The following ZSCAN2 variants were observed in gnomAD, a reference collection of about 807,000 sequenced individuals.
ZSCAN2 encodes zinc finger and SCAN domain-containing protein 2.
ZSCAN2 carries 26 observed loss-of-function variants against 47.8 expected under a neutral mutation model. The ratio of observed to expected loss-of-function variants is 0.54; its 90% confidence interval spans 0.40 to 0.75. ZSCAN2 has a LOEUF of 0.75. Ranked by LOEUF, ZSCAN2 falls within the 30% of genes least tolerant of loss-of-function variation. The pLI, the probability that ZSCAN2 is intolerant of heterozygous loss-of-function variation, is 0.00. For synonymous variants in ZSCAN2, 305 were observed against 288.7 expected (o/e 1.06, Z -0.57); for missense variants, 732 against 785.4 (o/e 0.93, Z 0.81).
intron 2 of ZSCAN2, among the ~76,000 whole-genome samples, chr15:84,618,629 T>C (rs1225758263): frequency 6.6e-6 from 1 of 151,858 alleles, no homozygotes; most frequent in Non-Finnish European, 1.5e-5. Flanking sequence ...TGGCGTGATC[T>C]TGGCTCACCA....
intron 1 of ZSCAN2, 166 bp downstream of exon 1, chr15:84,601,301 C>T (rs1025410206): frequency 1.3e-5 from 2 of 152,252 alleles, no homozygotes; most frequent in African/African-American, 4.8e-5. Context: ...GCGCCGGCTC[C>T]GCTCAGCGAA....
chr15:84,605,325 A>G (rs1387481810), intron 2 of ZSCAN2, among the ~76,000 whole-genome samples: 2 of 152,182 alleles, frequency 1.3e-5, no homozygotes, highest in Admixed American at 6.5e-5. Flanking sequence ...CTCGAAGGAT[A>G]TGGCTGCCTT....
intron 1 of ZSCAN2, among the ~76,000 whole-genome samples, chr15:84,601,572 T>C (rs755702131): frequency 4.6e-5 from 7 of 152,186 alleles, no homozygotes; most frequent in Non-Finnish European, 7.3e-5. Flanking sequence ...TTTGAGTAAA[T>C]ACACGTTGAG....
At chr15:84,612,463 G>A (rs1272773026) in intron 2 of ZSCAN2, among the ~76,000 whole-genome samples, 2 of 152,160 alleles carry the variant, frequency 1.3e-5, no homozygotes, top group African/African-American at 4.8e-5. Context: ...GGCCAGGAGC[G>A]GTAGCTCATG....
In ZSCAN2 at chr15:84,623,339, G is replaced by A. The variant is rs555198493; in HGVS notation, c.*1299G>A. ...GATCTCCTGTCCTCGTGATCTGCCCGCCTTGGCCTCCCGAAGTGCTGGGAT... is the reference window on the plus strand; with the variant it reads ...GATCTCCTGTCCTCGTGATCTGCCCACCTTGGCCTCCCGAAGTGCTGGGAT... On this transcript the variant is annotated 3_prime_UTR_variant, in exon 3 of 3. Transcript: ENST00000546148. 165 of 203,852 alleles carry A rather than the reference G, an allele frequency of 8.1e-4. No individual in the cohort carries two copies. The highest frequency in any genetic ancestry group is 1.4e-3 in the Non-Finnish European group (127 of 89,582). 12.6% of individuals were successfully genotyped at this position (203,852 alleles called of 1,614,324 possible). A position where few individuals can be genotyped will look rare whatever the true frequency, so the allele number is the denominator to read the frequency against.
At chr15:84,602,706 A>T (rs1402901069) in intron 1 of ZSCAN2, among the ~76,000 whole-genome samples, 1 of 149,112 alleles carries the variant, frequency 6.7e-6, no homozygotes, top group Non-Finnish European at 1.5e-5. Flanking sequence ...CTCCTGCCTC[A>T]GCCTCCTGAG....
intron 1 of ZSCAN2, chr15:84,602,151 G>T (rs922227398): frequency 1.3e-5 from 2 of 151,848 alleles, no homozygotes; most frequent in East Asian, 3.9e-4. Flanking sequence ...AGGTTTCTCC[G>T]TGTTGGTCAG....
chr15:84,608,683 G>C (rs1895456246), intron 2 of ZSCAN2, among the ~76,000 whole-genome samples: 1 of 152,168 alleles, frequency 6.6e-6, no homozygotes, highest in African/African-American at 2.4e-5. Context: ...GGGGCCTGGA[G>C]CCTACTCCAG....
At chr15:84,608,153 T>C (rs1426505695) in intron 2 of ZSCAN2, among the ~76,000 whole-genome samples, 1 of 152,052 alleles carries the variant, frequency 6.6e-6, no homozygotes, top group African/African-American at 2.4e-5. Flanking sequence ...CTCTTCCCTC[T>C]CTTCCACCCT....
chr15:84,609,743 A>G (rs777540838), intron 2 of ZSCAN2, among the ~76,000 whole-genome samples: 10 of 152,222 alleles, frequency 6.6e-5, no homozygotes, highest in East Asian at 1.9e-4. Context: ...GGCATACCCT[A>G]TATCAGAACC....
At chr15:84,608,999 C>T (rs1320955021) in intron 2 of ZSCAN2, among the ~76,000 whole-genome samples, 1 of 152,206 alleles carries the variant, frequency 6.6e-6, no homozygotes, top group Non-Finnish European at 1.5e-5. Flanking sequence ...AACTTCAAGC[C>T]TACTCTTGTC....
chr15:84,606,516 C>T (rs1158104949), intron 2 of ZSCAN2: 2 of 1,590,572 alleles, frequency 1.3e-6, no homozygotes, highest in South Asian at 2.2e-5. Flanking sequence ...AAACCTGTCT[C>T]CCTATTTTAC....
At position 84,621,383 on chromosome 15, in the gene ZSCAN2, G is replaced by T. The variant is rs1189229987; in HGVS notation, c.1188G>T (p.Gly396=). The T allele has an allele frequency of 6.2e-7, 1 of 1,613,654 alleles. No individual in the cohort carries two copies. Among genetic ancestry groups the T allele is most frequent in the Non-Finnish European group, 8.5e-7 (1 of 1,179,912 alleles). The part of the protein sequence containing the change: ...GEKPYKCTDC[G]QRFSQSSALI... Reference sequence around the variant, plus strand: ...AACCCTACAAATGTACCGACTGTGGGCAGAGGTTCAGCCAGAGTTCAGCCC... The same window carrying T: ...AACCCTACAAATGTACCGACTGTGGTCAGAGGTTCAGCCAGAGTTCAGCCC... The change falls in exon 3 of 3, where the codon GGG becomes GGT. Residue 396 remains glycine (G), a synonymous_variant. Transcript: ENST00000546148. This position sits in a 1 kb window ranked among gnomAD's most constrained non-coding sequence, Gnocchi z 5.7.
chr15:84,617,269 C>T (rs890898459), intron 2 of ZSCAN2, among the ~76,000 whole-genome samples: 2 of 152,040 alleles, frequency 1.3e-5, no homozygotes, highest in Non-Finnish European at 2.9e-5. Flanking sequence ...AACCCTATCT[C>T]TACTAAAAAT....
intron 2 of ZSCAN2, among the ~76,000 whole-genome samples, chr15:84,610,097 C>T (rs1201373030): frequency 6.6e-6 from 1 of 152,228 alleles, no homozygotes; most frequent in Non-Finnish European, 1.5e-5. Context: ...GATTGAGCTA[C>T]GGTGGCAGCT....
chr15:84,604,887 G>A (rs1231211650), intron 2 of ZSCAN2, among the ~76,000 whole-genome samples: 1 of 151,890 alleles, frequency 6.6e-6, no homozygotes, highest in Non-Finnish European at 1.5e-5. Flanking sequence ...ACAGGCGTGC[G>A]CCACCACGCC....
intron 2 of ZSCAN2, among the ~76,000 whole-genome samples, chr15:84,617,935 G>C (rs1254886025): frequency 6.6e-6 from 1 of 152,042 alleles, no homozygotes; most frequent in Non-Finnish European, 1.5e-5. Flanking sequence ...CTAAGACCTT[G>C]TCTCAAAAAA....
chr15:84,607,082 A>G (rs561362973), intron 2 of ZSCAN2, among the ~76,000 whole-genome samples: 197 of 152,218 alleles, frequency 1.3e-3, no homozygotes, highest in African/African-American at 4.6e-3. Context: ...TCAAAATTCA[A>G]GTACCTTCTA....
intron 2 of ZSCAN2, among the ~76,000 whole-genome samples, chr15:84,608,943 C>G (rs1478235760): frequency 2.0e-5 from 3 of 152,222 alleles, no homozygotes; most frequent in Non-Finnish European, 4.4e-5. Context: ...TTCCTATGCT[C>G]TTTGAAGTTT....
Sources: gnomAD v4.1 joint callset for allele counts (sites outside exome capture counted in the v4.1 genomes callset) on GRCh38, gnomAD v4.1.1 for gene constraint, Gnocchi (gnomAD v3.1) non-coding constraint, MANE v1.5 for transcripts, NCBI Gene and HGNC (gene_info 2026-07-23, HGNC 2026-07-21) for gene names.